The following TMEM132B variants were observed in gnomAD, a reference collection of about 807,000 sequenced individuals.
The protein encoded by TMEM132B is transmembrane protein 132B.
TMEM132B carries 18 observed loss-of-function variants against 90.8 expected under a neutral mutation model. The observed-to-expected ratio is 0.20, with a 90% CI of 0.14 to 0.29. The LOEUF (loss-of-function observed/expected upper bound fraction) is 0.29, where lower values mean the gene tolerates loss of function less well. Among genes scored for constraint, TMEM132B ranks in the 10% least tolerant of loss-of-function variants. The pLI, the probability that TMEM132B is intolerant of heterozygous loss-of-function variation, is 1.00. For missense variants in TMEM132B, 1,096 were observed against 1,326.8 expected (o/e 0.83, Z 2.70); for synonymous variants, 504 against 523.3 (o/e 0.96, Z 0.50).
At chr12:125,259,821 A>C (rs957819218) in intron 1 of TMEM132B, among the ~76,000 whole-genome samples, 13 of 151,958 alleles carry the variant, frequency 8.6e-5, no homozygotes, top group Non-Finnish European at 1.9e-4. Context: ...TACTGGTAAG[A>C]GCTGAGATTT....
intron 1 of TMEM132B, among the ~76,000 whole-genome samples, chr12:125,271,792 A>G (rs571444255): frequency 6.6e-6 from 1 of 151,778 alleles, no homozygotes; most frequent in Non-Finnish European, 1.5e-5. Flanking sequence ...TTCATATAAT[A>G]TATAATATAT....
At chr12:125,578,170 G>A (rs1884978524) in intron 4 of TMEM132B, among the ~76,000 whole-genome samples, 1 of 152,030 alleles carries the variant, frequency 6.6e-6, no homozygotes, top group Non-Finnish European at 1.5e-5. Context: ...CTTATGACTA[G>A]TTGTTCTGTT....
At chr12:125,253,368 AT>A (rs1874357603) in intron 1 of TMEM132B, among the ~76,000 whole-genome samples, 1 of 151,388 alleles carries the variant, frequency 6.6e-6, no homozygotes, top group Non-Finnish European at 1.5e-5. Context: ...AATAAAGCCT[AT>A]TTATTGAGCA....
intron 1 of TMEM132B, among the ~76,000 whole-genome samples, chr12:125,272,514 A>G (rs1053668151): frequency 7.2e-5 from 11 of 152,260 alleles, no homozygotes; most frequent in African/African-American, 2.6e-4. Context: ...GGCACTGAAT[A>G]GCATCCATTC....
At chr12:125,523,591 G>A (rs927026135) in intron 4 of TMEM132B, among the ~76,000 whole-genome samples, 2 of 152,180 alleles carry the variant, frequency 1.3e-5, no homozygotes, top group East Asian at 3.9e-4. Context: ...GACATCTCTG[G>A]AGGGGGCTGT....
At chr12:125,601,256 TAAC>T (rs1885563558) in intron 5 of TMEM132B, among the ~76,000 whole-genome samples, 1 of 151,704 alleles carries the variant, frequency 6.6e-6, no homozygotes, top group Admixed American at 6.6e-5. Context: ...ACTGAAATCT[TAAC>T]AGTCTCTCAG....
intron 2 of TMEM132B, among the ~76,000 whole-genome samples, chr12:125,402,453 C>T (rs548022507): frequency 1.6e-4 from 25 of 152,146 alleles, no homozygotes; most frequent in Admixed American, 5.9e-4. Flanking sequence ...TTGGGATTAC[C>T]GGCATGAATC....
intron 5 of TMEM132B, chr12:125,584,715 A>C (rs10734919): frequency 0.93 from 142,016 of 152,304 alleles, 66,226 homozygotes; most frequent in Middle Eastern, 0.96. Flanking sequence ...AGGAACCAGA[A>C]AATATTTTTT....
intron 3 of TMEM132B, among the ~76,000 whole-genome samples, chr12:125,463,908 G>A (rs1455009229): frequency 6.6e-6 from 1 of 152,210 alleles, no homozygotes; most frequent in Non-Finnish European, 1.5e-5. Context: ...TGAAGGAGAA[G>A]CAGGCACTGT....
chr12:125,343,177 T>G (rs938126250), intron 1 of TMEM132B, among the ~76,000 whole-genome samples: 8 of 152,168 alleles, frequency 5.3e-5, no homozygotes, highest in Non-Finnish European at 1.2e-4. Flanking sequence ...TTGCATAGGA[T>G]CTTCCTCCTG....
At chr12:125,532,717 G>A (rs1007813651) in intron 4 of TMEM132B, among the ~76,000 whole-genome samples, 1 of 152,056 alleles carries the variant, frequency 6.6e-6, no homozygotes, top group Non-Finnish European at 1.5e-5. Context: ...GTTTCACCAT[G>A]TTGGCCAGGC....
intron 3 of TMEM132B, among the ~76,000 whole-genome samples, chr12:125,483,624 G>A (rs561873336): frequency 1.3e-4 from 20 of 152,292 alleles, no homozygotes; most frequent in South Asian, 6.2e-4. Flanking sequence ...AATAGAAACA[G>A]AGGCATGAGC....
chr12:125,217,659 G>A (rs1873467756), intron 1 of TMEM132B, among the ~76,000 whole-genome samples: 1 of 152,076 alleles, frequency 6.6e-6, no homozygotes, highest in Admixed American at 6.5e-5. Context: ...TCACCATGTT[G>A]CCCAGGCCGG....
At chr12:125,475,536 G>A (rs146869130) in intron 3 of TMEM132B, among the ~76,000 whole-genome samples, 1 of 152,318 alleles carries the variant, frequency 6.6e-6, no homozygotes, top group East Asian at 1.9e-4. Context: ...AGCACAGCCA[G>A]AATATAAAGC....
At position 125,363,292 on chromosome 12, in the gene TMEM132B, C is replaced by T. The variant is rs144959604; in HGVS notation, c.959+12949C>T. Among the ~76,000 whole-genome samples, 582 of 152,298 alleles carry T rather than the reference C, an allele frequency of 3.8e-3. 5 individuals carry two copies. Among genetic ancestry groups the T allele is most frequent in the African/African-American group, 0.013 (540 of 41,558 alleles). ...CCCTTACTGATCCCCACAACCCTGC[C>T]TATACCTCTGTGAATAGTCCCTTCA... On this transcript the variant is annotated intron_variant, in intron 2 of 8. Transcript: ENST00000682704.
chr12:125,207,872 CAT>C (rs1411647861), intron 1 of TMEM132B, among the ~76,000 whole-genome samples: 4 of 152,340 alleles, frequency 2.6e-5, no homozygotes, highest in African/African-American at 7.2e-5. Context: ...GAGGTTCACT[CAT>C]GTGTAGCATG....
chr12:125,588,777 C>T (rs898819209), intron 5 of TMEM132B, among the ~76,000 whole-genome samples: 8 of 152,214 alleles, frequency 5.3e-5, no homozygotes, highest in African/African-American at 7.2e-5. Flanking sequence ...AACCTTTGGG[C>T]GCATTTGAAG....
At chr12:125,520,639 C>T (rs1157854965) in intron 4 of TMEM132B, among the ~76,000 whole-genome samples, 2 of 152,090 alleles carry the variant, frequency 1.3e-5, no homozygotes, top group African/African-American at 4.8e-5. Context: ...TAAAATTGGC[C>T]CTCCCTCCCC....
chr12:125,384,673 T>C (rs756171197), intron 2 of TMEM132B, among the ~76,000 whole-genome samples: 7 of 152,210 alleles, frequency 4.6e-5, no homozygotes, highest in Non-Finnish European at 8.8e-5. Flanking sequence ...TTTTTTGAGA[T>C]GGAGTCTTAC....
Sources: gnomAD v4.1 joint callset for allele counts (sites outside exome capture counted in the v4.1 genomes callset) on GRCh38, gnomAD v4.1.1 for gene constraint, MANE v1.5 for transcripts, NCBI Gene and HGNC (gene_info 2026-07-23, HGNC 2026-07-21) for gene names.